Variants in CACNA1E observed in about 807,000 individuals in gnomAD.
CACNA1E encodes voltage-dependent R-type calcium channel subunit alpha-1E.
In CACNA1E, 40 loss-of-function variants were observed where a neutral mutation model predicts 259.2. The observed-to-expected ratio is 0.15, with a 90% CI of 0.12 to 0.20. The LOEUF (loss-of-function observed/expected upper bound fraction) is 0.20, where lower values mean the gene tolerates loss of function less well. Among genes scored for constraint, CACNA1E ranks in the 10% least tolerant of loss-of-function variants. The pLI, the probability that CACNA1E is intolerant of heterozygous loss-of-function variation, is 1.00. For synonymous variants in CACNA1E, 1,104 were observed against 1,138.5 expected (o/e 0.97, Z 0.61); for missense variants, 1,874 against 3,040.1 (o/e 0.62, Z 9.02).
intron 18 of CACNA1E, among the ~76,000 whole-genome samples, chr1:181,727,592 C>T (rs1373196217): frequency 6.6e-6 from 1 of 152,218 alleles, no homozygotes; most frequent in Non-Finnish European, 1.5e-5. Context: ...GGTAGAGCTA[C>T]AGGTAGTCGG....
At chr1:181,511,702 T>C (rs1666183404) in intron 3 of CACNA1E, among the ~76,000 whole-genome samples, 192 bp downstream of exon 3, 2 of 152,168 alleles carry the variant, frequency 1.3e-5, no homozygotes, top group South Asian at 2.1e-4. Flanking sequence ...ATGAGTACTG[T>C]GTGGAGATGC....
At chr1:181,384,787 C>T (rs370462660) in intron 1 of CACNA1E, among the ~76,000 whole-genome samples, 3 of 152,148 alleles carry the variant, frequency 2.0e-5, no homozygotes, top group South Asian at 4.2e-4. Flanking sequence ...ATACCTAATG[C>T]TAAATGACGA....
intron 1 of CACNA1E, among the ~76,000 whole-genome samples, chr1:181,362,852 G>T (rs1653987815): frequency 6.6e-6 from 1 of 152,232 alleles, no homozygotes; most frequent in Non-Finnish European, 1.5e-5. Flanking sequence ...TTACAGACTT[G>T]TTTGCAGTTT....
Position 181,794,983 on chromosome 1 carries a change from C to T in CACNA1E, c.6147C>T (p.Ser2049=), listed in dbSNP as rs745473285. The T allele has an allele frequency of 3.1e-6, 5 of 1,614,008 alleles. No homozygotes were observed. Among genetic ancestry groups the T allele is most frequent in the Non-Finnish European group, 4.2e-6 (5 of 1,179,890 alleles). The change falls in exon 46 of 48, where the codon TCC becomes TCT. Residue 2049 remains serine, a synonymous_variant. Transcript: ENST00000367573. ...GAAGCAGTGAAAATACCTACAAGTC[C>T]CGTCGCCGGAGTTACCACTCCTCCT... ...MERSSENTYK[S]RRRSYHSSLR...
chr1:181,647,501 G>A (rs1040310935), intron 6 of CACNA1E, among the ~76,000 whole-genome samples: 10 of 152,166 alleles, frequency 6.6e-5, no homozygotes, highest in South Asian at 2.1e-4. Context: ...ACAGACACGT[G>A]CACACCACGA....
intron 1 of CACNA1E, among the ~76,000 whole-genome samples, chr1:181,343,682 A>C (rs1652353786): frequency 6.6e-6 from 1 of 152,218 alleles, no homozygotes; most frequent in Non-Finnish European, 1.5e-5. Context: ...AAGTGGAGAA[A>C]TCAAGGAGGC....
At chr1:181,646,018 T>A (rs1658234764) in intron 6 of CACNA1E, among the ~76,000 whole-genome samples, 1 of 152,154 alleles carries the variant, frequency 6.6e-6, no homozygotes, top group African/African-American at 2.4e-5. Flanking sequence ...GTTGAATCAG[T>A]CCCTGGCCTC....
intron 1 of CACNA1E, among the ~76,000 whole-genome samples, chr1:181,387,853 G>T (rs1207340366): frequency 6.6e-6 from 1 of 152,196 alleles, no homozygotes; most frequent in Non-Finnish European, 1.5e-5. Flanking sequence ...ATTACCATAT[G>T]AGGCTGCCCT....
chr1:181,571,022 G>A (rs1174932325), intron 3 of CACNA1E, among the ~76,000 whole-genome samples: 1 of 152,200 alleles, frequency 6.6e-6, no homozygotes, highest in Non-Finnish European at 1.5e-5. Context: ...GGGAGCTGAT[G>A]GGTCTGCAGT....
chr1:181,716,314 G>T (rs535000978), intron 10 of CACNA1E, among the ~76,000 whole-genome samples, 185 bp downstream of exon 10: 83 of 148,640 alleles, frequency 5.6e-4, no homozygotes, highest in African/African-American at 1.8e-3. Flanking sequence ...AAAAAAAAAG[G>T]ACCTGGGGAT....
At chr1:181,402,352 G>A (rs1266208577) in intron 1 of CACNA1E, among the ~76,000 whole-genome samples, 4 of 152,162 alleles carry the variant, frequency 2.6e-5, no homozygotes, top group East Asian at 3.9e-4. Context: ...GAGCCCAGGG[G>A]CCAGGGAAAG....
chr1:181,418,924 T>C (rs1014918691), intron 2 of CACNA1E, among the ~76,000 whole-genome samples: 1 of 152,048 alleles, frequency 6.6e-6, no homozygotes, highest in African/African-American at 2.4e-5. Flanking sequence ...AATAATTGAT[T>C]GAAGCTGGTA....
chr1:181,574,118 G>T (rs564017961), intron 3 of CACNA1E, among the ~76,000 whole-genome samples: 1 of 152,194 alleles, frequency 6.6e-6, no homozygotes, highest in African/African-American at 2.4e-5. Flanking sequence ...ACACACTGGG[G>T]CCTCTCACGG....
intron 1 of CACNA1E, among the ~76,000 whole-genome samples, chr1:181,508,910 C>A: frequency 6.6e-6 from 1 of 152,010 alleles, no homozygotes; most frequent in East Asian, 1.9e-4. Context: ...TCTGAAGTCC[C>A]CTGAGGCCAG....
intron 6 of CACNA1E, among the ~76,000 whole-genome samples, chr1:181,581,157 T>G (rs1651475459): frequency 6.6e-6 from 1 of 151,836 alleles, no homozygotes; most frequent in Non-Finnish European, 1.5e-5. Context: ...CTTAAAAAAT[T>G]TTATCACCCC....
At chr1:181,438,526 T>A (rs1660234856) in intron 2 of CACNA1E, among the ~76,000 whole-genome samples, 1 of 152,240 alleles carries the variant, frequency 6.6e-6, no homozygotes, top group East Asian at 1.9e-4. Flanking sequence ...TTTATTTTTT[T>A]AAATCATCAG....
At chr1:181,643,263 C>A (rs1657965655) in intron 6 of CACNA1E, among the ~76,000 whole-genome samples, 1 of 152,180 alleles carries the variant, frequency 6.6e-6, no homozygotes, top group East Asian at 1.9e-4. Flanking sequence ...CGGCATCTCC[C>A]TGTTGGGCTT....
At chr1:181,639,388 G>A (rs183538218) in intron 6 of CACNA1E, among the ~76,000 whole-genome samples, 120 of 152,292 alleles carry the variant, frequency 7.9e-4, no homozygotes, top group South Asian at 3.3e-3. Flanking sequence ...ACGCCCAGCC[G>A]AGTAGATGCT....
intron 3 of CACNA1E, among the ~76,000 whole-genome samples, chr1:181,528,577 T>C (rs1667536636): frequency 6.6e-6 from 1 of 152,192 alleles, no homozygotes; most frequent in Non-Finnish European, 1.5e-5. Context: ...TAGAGACTTG[T>C]TGAATGGCTT....
Sources: allele counts gnomAD v4.1 joint callset (sites outside exome capture counted in the v4.1 genomes callset), GRCh38; gene constraint gnomAD v4.1.1; transcripts MANE v1.5; gene names NCBI Gene and HGNC (gene_info 2026-07-23, HGNC 2026-07-21).